Variants in PKIG observed in about 807,000 individuals in gnomAD.
PKIG encodes the protein cAMP-dependent protein kinase inhibitor gamma.
A neutral mutation model predicts 6.8 loss-of-function variants in PKIG; 1 was observed. That is an observed-to-expected ratio of 0.15 (90% CI 0.05 to 0.69). The LOEUF (loss-of-function observed/expected upper bound fraction) is 0.69, where lower values mean the gene tolerates loss of function less well. PKIG is among the 30% of genes least tolerant of loss of function. The pLI, the probability that PKIG is intolerant of heterozygous loss-of-function variation, is 0.82. For synonymous variants in PKIG, 39 were observed against 43.0 expected, an observed-to-expected ratio of 0.91 and a Z score of 0.36; for missense variants, 77 against 104.0, an observed-to-expected ratio of 0.74 and a Z score of 1.13.
chr20:44,540,965 G>A (rs542642962), intron 1 of PKIG, among the ~76,000 whole-genome samples: 5 of 152,260 alleles, frequency 3.3e-5, no homozygotes, highest in South Asian at 4.2e-4. Flanking sequence ...AGGAATGTAG[G>A]GCCTCGTCAG....
intron 3 of PKIG, 109 bp from the exon 4 acceptor site, chr20:44,618,176 C>T: frequency 1.3e-6 from 1 of 769,900 alleles, no homozygotes; most frequent in Non-Finnish European, 2.4e-6. Flanking sequence ...TCGTCTTGCT[C>T]CCCAGGGCAT....
chr20:44,575,145 A>G (rs977654392), intron 1 of PKIG, among the ~76,000 whole-genome samples: 2 of 151,386 alleles, frequency 1.3e-5, no homozygotes, highest in Non-Finnish European at 3.0e-5. Context: ...TCCACCTCCC[A>G]AGGTTCAAGT....
chr20:44,559,451 G>A (rs2064747659), intron 1 of PKIG, among the ~76,000 whole-genome samples: 2 of 152,174 alleles, frequency 1.3e-5, no homozygotes, highest in African/African-American at 4.8e-5. Context: ...TGTCAGACAA[G>A]GCTTCCAAAT....
rs550870781 is a variant in PKIG at position 44,611,075 on chromosome 20, C to T, written c.-23-3459C>T. Among the ~76,000 whole-genome samples the T allele has an allele frequency of 9.9e-3, 1,305 of 131,730 alleles. 9 individuals carry two copies. Among genetic ancestry groups the T allele is most frequent in the Middle Eastern group, 0.038 (8 of 212 alleles). 86.4% of individuals were successfully genotyped at this position (131,730 alleles called of 152,430 possible). ...GCCTTTTTTTTTTTTTTTTTTGAGA[C>T]GGAGTCTCGCTCTGTCTTGCCCAGG... is the stretch of plus-strand genomic sequence containing the variant. On this transcript the variant is annotated intron_variant, in intron 2 of 3. Transcript: ENST00000372886.
intron 1 of PKIG, among the ~76,000 whole-genome samples, chr20:44,589,536 CATTT>C (rs1470253495): frequency 2.0e-5 from 3 of 152,072 alleles, no homozygotes; most frequent in Admixed American, 6.6e-5. Flanking sequence ...TATTAATAGA[CATTT>C]AAGTTGTTTT....
intron 2 of PKIG, among the ~76,000 whole-genome samples, chr20:44,611,908 T>G (rs1309069029): frequency 2.6e-5 from 4 of 152,164 alleles, no homozygotes; most frequent in Admixed American, 2.0e-4. Context: ...TCACTTAACA[T>G]TATGTCCTCC....
chr20:44,557,901 T>C lies in PKIG; in HGVS notation c.-240-24684T>C, dbSNP rs1193033516. 2.0e-5 allele frequency among the ~76,000 whole-genome samples: 3 copies of C among 152,088 alleles called. No individual in the cohort carries two copies. The East Asian group carries it at 5.8e-4, about 29-fold the overall frequency. On this transcript the variant is annotated intron_variant, in intron 1 of 4. Coordinates refer to the PKIG transcript ENST00000372887. ...CATGAGACTTGGTGCTCTTTTGGAT[T>C]CCTAAGGCTTTTCCATGTCTGAGAA...
chr20:44,609,773 G>A (rs962253985), intron 2 of PKIG, among the ~76,000 whole-genome samples: 3 of 152,196 alleles, frequency 2.0e-5, no homozygotes, highest in Non-Finnish European at 2.9e-5. Context: ...TGGCCTGCTC[G>A]GGGTTTGTCA....
chr20:44,603,899 A>G (rs2065142904), intron 2 of PKIG, among the ~76,000 whole-genome samples: 3 of 152,198 alleles, frequency 2.0e-5, no homozygotes, highest in South Asian at 2.1e-4. Flanking sequence ...TTCCGTGTCA[A>G]TATACATAAA....
At chr20:44,564,106 TA>T (rs984941945) in intron 1 of PKIG, 1 of 152,252 alleles carries the variant, frequency 6.6e-6, no homozygotes, top group African/African-American at 2.4e-5. Flanking sequence ...TTCATATTTT[TA>T]CATTTGGATT....
At chr20:44,542,792 C>G (rs1184758884) in intron 1 of PKIG, among the ~76,000 whole-genome samples, 1 of 152,124 alleles carries the variant, frequency 6.6e-6, no homozygotes, top group Non-Finnish European at 1.5e-5. Flanking sequence ...AGGGTTTCAC[C>G]ACGTTGGCCA....
At chr20:44,577,285 C>A (rs1319258626) in intron 1 of PKIG, among the ~76,000 whole-genome samples, 1 of 151,976 alleles carries the variant, frequency 6.6e-6, no homozygotes, top group African/African-American at 2.4e-5. Flanking sequence ...TGCACCACCA[C>A]GCCCAGCTAA....
intron 2 of PKIG, among the ~76,000 whole-genome samples, chr20:44,592,997 A>G (rs1600881894): frequency 3.3e-5 from 5 of 152,274 alleles, no homozygotes; most frequent in Admixed American, 3.3e-4. Flanking sequence ...TTACTAAGGC[A>G]ATCTTGAGCA....
intron 1 of PKIG, among the ~76,000 whole-genome samples, chr20:44,563,404 C>A (rs971334360): frequency 2.0e-5 from 3 of 151,244 alleles, no homozygotes; most frequent in African/African-American, 7.3e-5. Context: ...TTCTGTGGGT[C>A]GGAAGTTTGG....
chr20:44,554,420 GAAATGCTCATGA>G (rs1312499082), intron 1 of PKIG, among the ~76,000 whole-genome samples: 1 of 152,154 alleles, frequency 6.6e-6, no homozygotes, highest in African/African-American at 2.4e-5. Context: ...AACATATAGT[GAAATGCTCATGA>G]CAAATGCATA....
chr20:44,612,763 T>A (rs918008333), intron 2 of PKIG, among the ~76,000 whole-genome samples: 4 of 152,166 alleles, frequency 2.6e-5, no homozygotes, highest in Non-Finnish European at 5.9e-5. Flanking sequence ...AATCTAAAAA[T>A]TATTTCACCC....
intron 1 of PKIG, among the ~76,000 whole-genome samples, chr20:44,545,772 G>A (rs973319334): frequency 2.0e-5 from 3 of 152,028 alleles, no homozygotes; most frequent in Non-Finnish European, 4.4e-5. Flanking sequence ...CTATCATCAC[G>A]CCACTGTACT....
chr20:44,590,497 G>C (rs2065025470), intron 2 of PKIG, among the ~76,000 whole-genome samples: 1 of 152,198 alleles, frequency 6.6e-6, no homozygotes, highest in Non-Finnish European at 1.5e-5. Context: ...TCTGGCATAA[G>C]TTAATAATTT....
At chr20:44,574,576 TTTTG>T (rs1301294540) in intron 1 of PKIG, among the ~76,000 whole-genome samples, 1 of 151,804 alleles carries the variant, frequency 6.6e-6, no homozygotes, top group Admixed American at 6.6e-5. Context: ...TTGTTTTTGT[TTTTG>T]TTTTTGTTTT....
Sources: allele counts gnomAD v4.1 joint callset (sites outside exome capture counted in the v4.1 genomes callset), GRCh38; gene constraint gnomAD v4.1.1; transcripts MANE v1.5; gene names NCBI Gene and HGNC (gene_info 2026-07-23, HGNC 2026-07-21).